CNTNAP5: variants seen among roughly 807,000 people sequenced by gnomAD.
CNTNAP5 encodes the protein contactin associated protein family member 5.
Under a neutral mutation model 150.2 loss-of-function variants are expected in CNTNAP5, and 72 were observed. The ratio of observed to expected loss-of-function variants is 0.48; its 90% confidence interval spans 0.40 to 0.58. The LOEUF (loss-of-function observed/expected upper bound fraction) is 0.58, where lower values mean the gene tolerates loss of function less well. Ranked by LOEUF, CNTNAP5 falls within the 20% of genes least tolerant of loss-of-function variation. The pLI is 0.00. For missense variants in CNTNAP5, 1,636 were observed against 1,626.2 expected (o/e 1.01, Z -0.10); for synonymous variants, 672 against 619.8 (o/e 1.08, Z -1.25).
chr2:124,782,386 T>G (rs1681471836), intron 17 of CNTNAP5, among the ~76,000 whole-genome samples: 1 of 152,238 alleles, frequency 6.6e-6, no homozygotes, highest in Non-Finnish European at 1.5e-5. Flanking sequence ...ATTGTTATTC[T>G]AACTTGTCCC....
At chr2:124,770,171 G>A (rs1681159350) in intron 16 of CNTNAP5, among the ~76,000 whole-genome samples, 1 of 152,168 alleles carries the variant, frequency 6.6e-6, no homozygotes, top group Non-Finnish European at 1.5e-5. Flanking sequence ...TTTAGTATGT[G>A]CAGTGTAATG....
At chr2:124,150,785 A>G (rs767836094) in intron 1 of CNTNAP5, among the ~76,000 whole-genome samples, 1 of 152,208 alleles carries the variant, frequency 6.6e-6, no homozygotes, top group Non-Finnish European at 1.5e-5. Flanking sequence ...TAAAGGTCCC[A>G]TCTTTACATA....
intron 1 of CNTNAP5, among the ~76,000 whole-genome samples, chr2:124,148,896 G>A (rs375426385): frequency 6.6e-6 from 1 of 151,262 alleles, no homozygotes; most frequent in South Asian, 2.1e-4. Context: ...ATATATGTAT[G>A]TATATATACA....
chr2:124,600,031 G>A (rs572635351), intron 11 of CNTNAP5, among the ~76,000 whole-genome samples: 3 of 152,076 alleles, frequency 2.0e-5, no homozygotes, highest in Non-Finnish European at 2.9e-5. Context: ...CTCAATAAAC[G>A]TGTGTGGAGT....
intron 13 of CNTNAP5, among the ~76,000 whole-genome samples, chr2:124,652,506 T>A (rs146966096): frequency 6.6e-6 from 1 of 152,282 alleles, no homozygotes; most frequent in African/African-American, 2.4e-5. Flanking sequence ...AGGCGACATG[T>A]GATGAGCATA....
intron 1 of CNTNAP5, among the ~76,000 whole-genome samples, chr2:124,103,089 C>T (rs899905272): frequency 2.6e-5 from 4 of 151,678 alleles, no homozygotes; most frequent in Admixed American, 2.0e-4. Context: ...GATCCTAACC[C>T]GTGTGTGTGT....
At chr2:124,084,569 T>G (rs1178480982) in intron 1 of CNTNAP5, among the ~76,000 whole-genome samples, 1 of 151,954 alleles carries the variant, frequency 6.6e-6, no homozygotes, top group Non-Finnish European at 1.5e-5. Flanking sequence ...GTGCCTGCCC[T>G]GTAGATTCTT....
intron 3 of CNTNAP5, among the ~76,000 whole-genome samples, chr2:124,392,438 C>T (rs563092885): frequency 4.0e-5 from 6 of 151,820 alleles, no homozygotes; most frequent in South Asian, 2.1e-4. Context: ...CTAAATACTC[C>T]GAAAGTAAGT....
At chr2:124,129,305 G>A (rs912373176) in intron 1 of CNTNAP5, among the ~76,000 whole-genome samples, 2 of 152,134 alleles carry the variant, frequency 1.3e-5, no homozygotes, top group African/African-American at 4.8e-5. Context: ...TGTGAGTGAA[G>A]TTCTTTTAAA....
At chr2:124,737,189 G>A (rs1028427057) in intron 13 of CNTNAP5, among the ~76,000 whole-genome samples, 1 of 151,844 alleles carries the variant, frequency 6.6e-6, no homozygotes, top group Non-Finnish European at 1.5e-5. Context: ...TACTCAGGAG[G>A]CTGAGGCAGG....
intron 10 of CNTNAP5, among the ~76,000 whole-genome samples, chr2:124,547,498 G>C (rs1390680776): frequency 6.6e-6 from 1 of 152,098 alleles, no homozygotes; most frequent in African/African-American, 2.4e-5. Flanking sequence ...TAAAGGCAGG[G>C]GACATGTGTA....
At chr2:124,228,842 T>G (rs1231729939) in intron 2 of CNTNAP5, among the ~76,000 whole-genome samples, 2 of 152,062 alleles carry the variant, frequency 1.3e-5, no homozygotes, top group Non-Finnish European at 2.9e-5. Context: ...CAAGATGAAA[T>G]TTAAATTGTA....
intron 23 of CNTNAP5, among the ~76,000 whole-genome samples, chr2:124,913,054 G>T (rs1243681452): frequency 6.6e-6 from 1 of 151,894 alleles, no homozygotes; most frequent in African/African-American, 2.4e-5. Context: ...AAAAAAAATT[G>T]GTGGAAGACA....
At chr2:124,565,785 G>C (rs13011384) in intron 11 of CNTNAP5, among the ~76,000 whole-genome samples, 4 of 151,938 alleles carry the variant, frequency 2.6e-5, no homozygotes, top group East Asian at 3.9e-4. Context: ...ATTTTTAGTA[G>C]AGACGGGGTT....
At chr2:124,725,453 CCTTCCT>C (rs1477578681) in intron 13 of CNTNAP5, among the ~76,000 whole-genome samples, 7 of 150,568 alleles carry the variant, frequency 4.6e-5, no homozygotes, top group African/African-American at 1.7e-4. Flanking sequence ...TTCCCCTTCC[CCTTCCT>C]CTTCCCCTTC....
At chr2:124,260,559 C>G (rs574576785) in intron 3 of CNTNAP5, among the ~76,000 whole-genome samples, 1 of 152,346 alleles carries the variant, frequency 6.6e-6, no homozygotes, top group East Asian at 1.9e-4. Flanking sequence ...GCCAAAGAAA[C>G]TGCCATCAGA....
intron 3 of CNTNAP5, among the ~76,000 whole-genome samples, chr2:124,253,052 G>T (rs1315517659): frequency 6.6e-6 from 1 of 151,384 alleles, no homozygotes; most frequent in Admixed American, 6.6e-5. Flanking sequence ...TAAATTATAT[G>T]TTTTTATATT....
At chr2:124,881,338 G>C (rs1677960170) in intron 21 of CNTNAP5, among the ~76,000 whole-genome samples, 1 of 151,828 alleles carries the variant, frequency 6.6e-6, no homozygotes, top group Admixed American at 6.6e-5. Context: ...TGGAAGATTT[G>C]GGTAATTCAC....
chr2:124,598,687 C>G (rs1182185341), intron 11 of CNTNAP5, among the ~76,000 whole-genome samples: 112 of 151,178 alleles, frequency 7.4e-4, no homozygotes, highest in Admixed American at 4.0e-4. Flanking sequence ...TTGAGCTTCC[C>G]GGCTGCTTTG....
Sources: allele counts gnomAD v4.1 joint callset (sites outside exome capture counted in the v4.1 genomes callset), GRCh38; gene constraint gnomAD v4.1.1; transcripts MANE v1.5; gene names NCBI Gene and HGNC (gene_info 2026-07-23, HGNC 2026-07-21).